Variants in UNC13C observed in about 807,000 individuals in gnomAD.
UNC13C encodes the protein protein unc-13 homolog C.
In UNC13C, 174 loss-of-function variants were observed where a neutral mutation model predicts 245.4. The observed-to-expected ratio is 0.71, with a 90% CI of 0.63 to 0.80. UNC13C has a LOEUF of 0.80. Ranked by LOEUF, UNC13C falls within the 30% of genes least tolerant of loss-of-function variation. The pLI is 0.00. For synonymous variants in UNC13C, 992 were observed against 895.1 expected (o/e 1.11, Z -1.93); for missense variants, 2,829 against 2,602.9 (o/e 1.09, Z -1.89).
At chr15:53,881,286 G>A in the UNC13C span, among the ~76,000 whole-genome samples, 14 of 152,194 alleles carry the variant, frequency 9.2e-5, no homozygotes, top group Non-Finnish European at 1.5e-4. Flanking sequence ...CAAAGCTTGC[G>A]TGGTTATGGA....
At position 53,994,625 on chromosome 15, in the gene UNC13C, T is replaced by C. The variant is rs79275064; in HGVS notation, c.-257+15698T>C. Among the ~76,000 whole-genome samples the C allele has an allele frequency of 2.8e-3, 420 of 152,210 alleles. 5 individuals are homozygous for C. Among genetic ancestry groups the C allele is most frequent in the African/African-American group, 9.7e-3 (401 of 41,538 alleles). On this transcript the variant is annotated intron_variant, in intron 1 of 32. Transcript: ENST00000260323. Reference sequence around the variant, plus strand: ...TCCCAGTGCAACATTCATTAAAACTTAAAATTCTTACTTTTACTACAAAAG... The same window carrying C: ...TCCCAGTGCAACATTCATTAAAACTCAAAATTCTTACTTTTACTACAAAAG...
At chr15:54,222,037 T>A (rs956242294) in intron 4 of UNC13C, among the ~76,000 whole-genome samples, 1 of 152,104 alleles carries the variant, frequency 6.6e-6, no homozygotes, top group Admixed American at 6.6e-5. Flanking sequence ...ATACAATGCA[T>A]AATAATCACA....
At chr15:54,168,694 A>G (rs535877718) in intron 4 of UNC13C, among the ~76,000 whole-genome samples, 1 of 152,328 alleles carries the variant, frequency 6.6e-6, no homozygotes, top group African/African-American at 2.4e-5. Flanking sequence ...GTTAAATTCA[A>G]CAGCGGTGTG....
At chr15:54,422,958 T>TAC (rs35647420) in intron 19 of UNC13C, among the ~76,000 whole-genome samples, 95,675 of 145,816 alleles carry the variant, frequency 0.66, 31,223 homozygotes, top group South Asian at 0.7. Flanking sequence ...AGCAATATAG[T>TAC]ACACACACAC....
chr15:53,960,398 T>C, the UNC13C span, among the ~76,000 whole-genome samples: 2 of 151,900 alleles, frequency 1.3e-5, no homozygotes, highest in African/African-American at 2.4e-5. Context: ...GGAACCAGAA[T>C]GTCCCTATGC....
At chr15:53,849,000 C>T in the UNC13C span, among the ~76,000 whole-genome samples, 1 of 151,886 alleles carries the variant, frequency 6.6e-6, no homozygotes, top group African/African-American at 2.4e-5. Context: ...TTTCCCATTA[C>T]TCTTAATCTA....
At chr15:54,565,623 G>T (rs1035265268) in intron 29 of UNC13C, among the ~76,000 whole-genome samples, 5 of 151,934 alleles carry the variant, frequency 3.3e-5, no homozygotes, top group Non-Finnish European at 7.4e-5. Context: ...CTGTCTCAAA[G>T]GAGAATTCCA....
the UNC13C span, among the ~76,000 whole-genome samples, chr15:53,867,829 G>T: frequency 1.3e-5 from 2 of 151,930 alleles, no homozygotes; most frequent in African/African-American, 4.8e-5. Context: ...AACAAATTTT[G>T]TTTTATTTTT....
At chr15:54,444,297 A>ATATATGTCATATATATACATATATAT (rs1387807404) in intron 19 of UNC13C, among the ~76,000 whole-genome samples, 21 of 151,084 alleles carry the variant, frequency 1.4e-4, no homozygotes, top group Non-Finnish European at 3.0e-4. Context: ...ATATACACAA[A>ATATATGTCATATATATACATATATAT]TATATGTCAT....
the UNC13C span, among the ~76,000 whole-genome samples, chr15:53,870,547 C>T: frequency 6.6e-6 from 1 of 151,826 alleles, no homozygotes; most frequent in African/African-American, 2.4e-5. Flanking sequence ...ACCTTCCTAC[C>T]ACTGCTTGTA....
intron 28 of UNC13C, among the ~76,000 whole-genome samples, chr15:54,552,509 A>AT (rs1307444842): frequency 7.9e-4 from 41 of 51,918 alleles, no homozygotes; most frequent in Non-Finnish European, 1.0e-3. Flanking sequence ...ATATAATTAT[A>AT]TATTATATAT....
At chr15:54,306,261 C>G (rs890154239) in intron 13 of UNC13C, among the ~76,000 whole-genome samples, 2 of 151,926 alleles carry the variant, frequency 1.3e-5, no homozygotes, top group Non-Finnish European at 2.9e-5. Flanking sequence ...CTGGAGCATG[C>G]GTCAGTAGGA....
At chr15:54,569,335 G>A (rs1897651023) in intron 30 of UNC13C, among the ~76,000 whole-genome samples, 1 of 151,962 alleles carries the variant, frequency 6.6e-6, no homozygotes, top group Non-Finnish European at 1.5e-5. Flanking sequence ...AAATGTATAG[G>A]AGTTGCATAT....
the UNC13C span, among the ~76,000 whole-genome samples, chr15:53,966,088 T>G: frequency 6.6e-6 from 1 of 152,210 alleles, no homozygotes; most frequent in Non-Finnish European, 1.5e-5. Context: ...TTCTGAAATG[T>G]ATTTGTTAAA....
At chr15:54,197,314 T>C (rs2034386379) in intron 4 of UNC13C, among the ~76,000 whole-genome samples, 1 of 151,764 alleles carries the variant, frequency 6.6e-6, no homozygotes. Flanking sequence ...CCATCTCTAC[T>C]AAAAATACAA....
the UNC13C span, among the ~76,000 whole-genome samples, chr15:53,869,217 G>C: frequency 2.0e-5 from 3 of 152,204 alleles, no homozygotes; most frequent in South Asian, 6.2e-4. Context: ...GGCCCTGGGT[G>C]ACCTGCAGTT....
chr15:53,931,862 G>T, the UNC13C span, among the ~76,000 whole-genome samples: 3 of 152,256 alleles, frequency 2.0e-5, no homozygotes, highest in Admixed American at 6.5e-5. Flanking sequence ...GCTGTCAACG[G>T]TTCATATCGT....
chr15:54,107,253 A>G (rs777195759), intron 2 of UNC13C, among the ~76,000 whole-genome samples: 1 of 152,178 alleles, frequency 6.6e-6, no homozygotes, highest in African/African-American at 2.4e-5. Flanking sequence ...TGAGCTAAAT[A>G]CAGCTGAAAA....
chr15:53,852,775 C>G, the UNC13C span, among the ~76,000 whole-genome samples: 1 of 152,084 alleles, frequency 6.6e-6, no homozygotes, highest in Non-Finnish European at 1.5e-5. Flanking sequence ...TATTTTCTAT[C>G]TATTTTTTAG....
Sources: allele counts gnomAD v4.1 joint callset (sites outside exome capture counted in the v4.1 genomes callset), GRCh38; gene constraint gnomAD v4.1.1; transcripts MANE v1.5; gene names NCBI Gene and HGNC (gene_info 2026-07-23, HGNC 2026-07-21).